VDAC1: variants seen among roughly 807,000 people sequenced by gnomAD.
VDAC1 encodes non-selective voltage-gated ion channel VDAC1.
Under a neutral mutation model 34.7 loss-of-function variants are expected in VDAC1, and 10 were observed. The ratio of observed to expected loss-of-function variants is 0.29; its 90% confidence interval spans 0.18 to 0.49. The LOEUF (loss-of-function observed/expected upper bound fraction) is 0.49. Among genes scored for constraint, VDAC1 ranks in the 20% least tolerant of loss-of-function variants. The pLI is 0.99. For missense variants in VDAC1, 230 were observed against 347.9 expected (o/e 0.66, Z 2.69); for synonymous variants, 130 against 136.0 (o/e 0.96, Z 0.30).
chr5:133,989,915 GCCTCCCAA>G, intron 5 of VDAC1, among the ~76,000 whole-genome samples: 1 of 152,254 alleles, frequency 6.6e-6, no homozygotes, highest in South Asian at 2.1e-4. Flanking sequence ...GCCTGCCTCA[GCCTCCCAA>G]AGTGTTGGGA....
chr5:133,990,683 T>C (rs561131886), intron 5 of VDAC1, among the ~76,000 whole-genome samples, 172 bp downstream of exon 5: 2 of 152,274 alleles, frequency 1.3e-5, no homozygotes, highest in African/African-American at 2.4e-5. Flanking sequence ...TGTTAGTGCA[T>C]AGATGTGGAT....
At chr5:134,019,318 C>T in the VDAC1 span, among the ~76,000 whole-genome samples, 1 of 152,172 alleles carries the variant, frequency 6.6e-6, no homozygotes, top group Non-Finnish European at 1.5e-5. Flanking sequence ...TAGCTCCCAC[C>T]TATAAACCCA....
intron 5 of VDAC1, among the ~76,000 whole-genome samples, chr5:133,990,145 C>T (rs1753049101): frequency 6.6e-6 from 1 of 152,252 alleles, no homozygotes; most frequent in South Asian, 2.1e-4. Context: ...GACTACCATG[C>T]TATCATGCCA....
chr5:134,088,954 G>C, the VDAC1 span, among the ~76,000 whole-genome samples: 1 of 152,202 alleles, frequency 6.6e-6, no homozygotes, highest in Non-Finnish European at 1.5e-5. Context: ...GTTCATCCAC[G>C]CTGTTGCATG....
the VDAC1 span, among the ~76,000 whole-genome samples, chr5:134,064,570 CT>C: frequency 6.6e-6 from 1 of 152,122 alleles, no homozygotes; most frequent in Admixed American, 6.6e-5. Context: ...TCCCAAAGTG[CT>C]GGGATTACAA....
chr5:134,075,630 C>A, the VDAC1 span, among the ~76,000 whole-genome samples: 10 of 152,220 alleles, frequency 6.6e-5, no homozygotes, highest in Non-Finnish European at 1.2e-4. Flanking sequence ...GTTGCCCAGG[C>A]TCGAGTGCAG....
At chr5:134,061,988 G>A in the VDAC1 span, among the ~76,000 whole-genome samples, 2 of 150,896 alleles carry the variant, frequency 1.3e-5, no homozygotes, top group African/African-American at 4.9e-5. Context: ...TTTTGGTTTT[G>A]TTTTTTTTGA....
At chr5:133,981,284 C>G (rs1752687584) in intron 5 of VDAC1, among the ~76,000 whole-genome samples, 1 of 152,156 alleles carries the variant, frequency 6.6e-6, no homozygotes, top group Non-Finnish European at 1.5e-5. Context: ...AGGTAGAAAG[C>G]CACCATGTAA....
chr5:134,101,720 C>T, the VDAC1 span, among the ~76,000 whole-genome samples: 1 of 152,218 alleles, frequency 6.6e-6, no homozygotes, highest in Admixed American at 6.5e-5. Flanking sequence ...GTCGGGACTC[C>T]TGACTGCTGG....
At chr5:134,057,353 G>A in the VDAC1 span, among the ~76,000 whole-genome samples, 1 of 152,212 alleles carries the variant, frequency 6.6e-6, no homozygotes, top group South Asian at 2.1e-4. Flanking sequence ...GGTGGCACAC[G>A]CCTCTAATCT....
chr5:133,976,155 G>GC, intron 6 of VDAC1, 134 bp from the exon 7 acceptor site: 1 of 1,071,038 alleles, frequency 9.3e-7, no homozygotes, highest in Non-Finnish European at 1.4e-6. Context: ...AGGGAAGTCA[G>GC]AAGTTCACCA....
chr5:133,984,780 A>C (rs1231855074), intron 5 of VDAC1, among the ~76,000 whole-genome samples: 1 of 152,052 alleles, frequency 6.6e-6, no homozygotes, highest in Non-Finnish European at 1.5e-5. Context: ...TACTAAAAAT[A>C]CAAAAATTAG....
At chr5:134,031,950 CAAAA>C in the VDAC1 span, among the ~76,000 whole-genome samples, 2 of 68,782 alleles carry the variant, frequency 2.9e-5, no homozygotes, top group Non-Finnish European at 2.9e-5. Context: ...GACCCCATCT[CAAAA>C]AAAAAAAAAA....
At chr5:133,999,404 C>A (rs1753452590) in intron 1 of VDAC1, among the ~76,000 whole-genome samples, 1 of 152,158 alleles carries the variant, frequency 6.6e-6, no homozygotes, top group African/African-American at 2.4e-5. Context: ...GCAGTAATAA[C>A]CATAATCCAC....
chr5:133,997,606 TGA>T (rs1753370294), intron 1 of VDAC1, among the ~76,000 whole-genome samples: 1 of 146,892 alleles, frequency 6.8e-6, no homozygotes, highest in Non-Finnish European at 1.5e-5. Context: ...GCCAGCTACT[TGA>T]GAGGCTGAGG....
At chr5:134,055,488 C>T in the VDAC1 span, among the ~76,000 whole-genome samples, 2 of 151,482 alleles carry the variant, frequency 1.3e-5, no homozygotes, top group South Asian at 2.1e-4. Context: ...GGCGCGATCT[C>T]GGCTCACTGC....
the VDAC1 span, among the ~76,000 whole-genome samples, chr5:134,094,256 A>G: frequency 1.6e-3 from 251 of 152,282 alleles, 2 homozygotes; most frequent in African/African-American, 5.8e-3. Flanking sequence ...TGGCCTCCAT[A>G]CTGCATACCT....
the VDAC1 span, among the ~76,000 whole-genome samples, chr5:134,075,783 C>T: frequency 6.6e-6 from 1 of 151,816 alleles, no homozygotes; most frequent in Non-Finnish European, 1.5e-5. Context: ...GACGGGGTTT[C>T]ACCATGTTAG....
the VDAC1 span, among the ~76,000 whole-genome samples, chr5:134,045,937 A>G: frequency 1.7e-4 from 26 of 151,352 alleles, no homozygotes; most frequent in Non-Finnish European, 3.2e-4. Context: ...TGCCCACCTC[A>G]GCCTCCCAAA....
Sources: gnomAD v4.1 joint callset for allele counts (sites outside exome capture counted in the v4.1 genomes callset) on GRCh38, gnomAD v4.1.1 for gene constraint, MANE v1.5 for transcripts, NCBI Gene and HGNC (gene_info 2026-07-23, HGNC 2026-07-21) for gene names.